Variants in ELF1 observed in about 807,000 individuals in gnomAD.
ELF1 encodes ETS-related transcription factor Elf-1.
A neutral mutation model predicts 59.9 loss-of-function variants in ELF1; 24 were observed. The observed-to-expected ratio is 0.40, with a 90% confidence interval of 0.29 to 0.56. The LOEUF (loss-of-function observed/expected upper bound fraction) is 0.56. Ranked by LOEUF, ELF1 falls within the 20% of genes least tolerant of loss-of-function variation. The probability of loss-of-function intolerance (pLI) is 0.44; values close to 1 mark genes in which losing one functional copy is unlikely to be tolerated. For missense variants in ELF1, 627 were observed against 742.2 expected (o/e 0.84, Z 1.80); for synonymous variants, 248 against 266.2 (o/e 0.93, Z 0.67).
At chr13:40,972,248 T>C (rs1375206657) in intron 2 of ELF1, among the ~76,000 whole-genome samples, 2 of 152,210 alleles carry the variant, frequency 1.3e-5, no homozygotes, top group African/African-American at 2.4e-5. Context: ...AAATTCATAC[T>C]ACCTGCTCAT....
Position 41,027,724 on chromosome 13 carries a change from T to C in ELF1, c.-229+33114A>G, listed in dbSNP as rs9562264. The stretch of plus-strand genomic sequence containing the variant: ...AATGCCTTATCTACCATCATGGCAT[T>C]CTACACAGCATTGCTTCTGACCATG... On this transcript the variant is annotated intron_variant, in intron 1 of 1. Transcript: ENST00000405737. 2.7e-3 allele frequency among the ~76,000 whole-genome samples: 415 copies of C among 152,308 alleles called. 6 individuals are homozygous for C. In the East Asian group the frequency reaches 0.048, roughly 18 times the overall value.
At chr13:41,059,949 A>C (rs1260614883) in intron 1 of ELF1, among the ~76,000 whole-genome samples, 2 of 152,214 alleles carry the variant, frequency 1.3e-5, no homozygotes, top group African/African-American at 4.8e-5. Context: ...AAGCCATCTC[A>C]TCAGAGTGGT....
Position 41,008,734 on chromosome 13 carries a change from A to C in ELF1, c.-229+10494T>G, listed in dbSNP as rs1593392900. 2.0e-5 allele frequency among the ~76,000 whole-genome samples: 3 copies of C among 152,342 alleles called. No individual in the cohort carries two copies. The Middle Eastern group carries it at 0.01, about 518-fold the overall frequency. On this transcript the variant is annotated intron_variant, in intron 1 of 8. Coordinates refer to ENST00000239882, the MANE Select transcript of ELF1 (RefSeq NM_172373.4). ...TTTGGTGTAGTATCAAAGAATATCC[A>C]CAATTATCTGAAGTGGCCATTAAAA...
In ELF1 at chr13:40,982,216, G is replaced by A. The variant is rs1351199908; in HGVS notation, c.-162C>T. The A allele has an allele frequency of 3.8e-6, 5 of 1,301,354 alleles. No individual in the cohort carries two copies. The highest frequency in any genetic ancestry group is 4.9e-6 in the Non-Finnish European group (5 of 1,023,540). The allele number at this position is 1,301,354 out of a possible 1,614,324, so 80.6% of individuals were successfully genotyped here. On this transcript the variant is annotated 5_prime_UTR_variant, in exon 2 of 9. Transcript: ENST00000239882. ...TAGGGAAGGTGCTTCAGTTTTCCTG[G>A]TTCATTGATATTCTAGTCAAATTGA...
rs115903589 is a variant in ELF1, at chr13:41,053,007, T to C, written c.-229+7831A>G. 1.5e-3 allele frequency among the ~76,000 whole-genome samples: 232 copies of C among 152,234 alleles called. 1 individual carries two copies. Among genetic ancestry groups the C allele is most frequent in the African/African-American group, 5.5e-3 (227 of 41,548 alleles). ...GTTAAATAAAACCGAACACTTAAAG[T>C]TTATTGCATTTGTCACACTACATTT... On this transcript the variant is annotated intron_variant, in intron 1 of 1. Transcript: ENST00000405737.
intron 2 of ELF1, among the ~76,000 whole-genome samples, chr13:40,969,943 C>G (rs148296555): frequency 2.0e-5 from 3 of 152,092 alleles, no homozygotes; most frequent in Non-Finnish European, 4.4e-5. Context: ...CACTCACTCA[C>G]GAAACTATCT....
At chr13:41,008,258 T>C (rs936850847) in intron 1 of ELF1, among the ~76,000 whole-genome samples, 3 of 152,328 alleles carry the variant, frequency 2.0e-5, no homozygotes, top group Admixed American at 2.0e-4. Context: ...TTTCATGAAA[T>C]GTAATTTTTA....
intron 2 of ELF1, among the ~76,000 whole-genome samples, chr13:40,978,564 T>C (rs1489270174): frequency 1.3e-5 from 2 of 151,994 alleles, no homozygotes. Context: ...GCACAAGATA[T>C]CACATTGTTA....
chr13:41,029,628 C>T (rs1401550341), intron 1 of ELF1, among the ~76,000 whole-genome samples: 9 of 151,976 alleles, frequency 5.9e-5, no homozygotes, highest in Admixed American at 5.2e-4. Flanking sequence ...GTGATCCACC[C>T]GCCTCAGCCT....
At chr13:41,000,291 G>C (rs1021068061) in intron 1 of ELF1, among the ~76,000 whole-genome samples, 2 of 112,984 alleles carry the variant, frequency 1.8e-5, no homozygotes, top group Non-Finnish European at 3.3e-5. Flanking sequence ...CACTCTGTTT[G>C]GCAGGCTAAA....
chr13:40,953,665 G>A (rs537618507), intron 3 of ELF1, among the ~76,000 whole-genome samples: 3 of 152,282 alleles, frequency 2.0e-5, no homozygotes, highest in African/African-American at 7.2e-5. Flanking sequence ...CACATCATCT[G>A]AAGCGCCACC....
chr13:40,951,603 G>T, intron 3 of ELF1, 167 bp from the exon 4 acceptor site: 1 of 434,434 alleles, frequency 2.3e-6, no homozygotes, highest in Non-Finnish European at 3.9e-6. Flanking sequence ...CTGGCGCAGT[G>T]GCTCATTCCT....
At chr13:40,950,226 A>G (rs1870766889) in intron 4 of ELF1, among the ~76,000 whole-genome samples, 1 of 152,176 alleles carries the variant, frequency 6.6e-6, no homozygotes, top group South Asian at 2.1e-4. Context: ...TTGATTATTC[A>G]CATTGCTGTG....
At chr13:41,040,408 A>C (rs1030480923) in intron 1 of ELF1, among the ~76,000 whole-genome samples, 1 of 152,208 alleles carries the variant, frequency 6.6e-6, no homozygotes, top group Non-Finnish European at 1.5e-5. Flanking sequence ...TAATACTTAT[A>C]TATGCATGAT....
At chr13:41,035,658 T>C (rs554956706) in intron 1 of ELF1, among the ~76,000 whole-genome samples, 2 of 144,798 alleles carry the variant, frequency 1.4e-5, no homozygotes, top group African/African-American at 5.1e-5. Flanking sequence ...AACACCCCCA[T>C]ATACATTAAT....
chr13:41,053,493 C>A (rs2138437270), intron 1 of ELF1, among the ~76,000 whole-genome samples: 1 of 152,286 alleles, frequency 6.6e-6, no homozygotes, highest in Admixed American at 6.5e-5. Context: ...TTCATCCATT[C>A]TCCTCAGTGT....
At chr13:40,954,623 T>C (rs1163528753) in intron 3 of ELF1, among the ~76,000 whole-genome samples, 1 of 152,156 alleles carries the variant, frequency 6.6e-6, no homozygotes, top group East Asian at 1.9e-4. Flanking sequence ...GGTTTTCGTA[T>C]TTTTTTGGTG....
At chr13:41,026,006 A>G (rs1875884270) in intron 1 of ELF1, among the ~76,000 whole-genome samples, 1 of 152,210 alleles carries the variant, frequency 6.6e-6, no homozygotes, top group South Asian at 2.1e-4. Context: ...TCAGGGATAT[A>G]TCAACCCCCT....
At position 40,940,226 on chromosome 13, in the gene ELF1, AATATCC is replaced by A. The variant is rs568921554; in HGVS notation, c.1256+689_1256+694del. On this transcript the variant is annotated intron_variant, in intron 8 of 8. Coordinates refer to ENST00000239882, the MANE Select transcript of ELF1 (RefSeq NM_172373.4). ...ACAGTATAAACAGAAAAATGCTACA[AATATCC>A]ATATAATTTTCTGCCTTCCTCCCAT... Among the ~76,000 whole-genome samples the A allele has an allele frequency of 7.9e-5, 12 of 152,176 alleles. No individual in the cohort carries two copies. In the East Asian group the frequency reaches 2.3e-3, roughly 29 times the overall value.
Sources: allele counts gnomAD v4.1 joint callset (sites outside exome capture counted in the v4.1 genomes callset), GRCh38; gene constraint gnomAD v4.1.1; transcripts MANE v1.5; gene names NCBI Gene and HGNC (gene_info 2026-07-23, HGNC 2026-07-21).